GPC3: variants seen among roughly 807,000 people sequenced by gnomAD.
GPC3 encodes the protein glypican-3.
In GPC3, 3 loss-of-function variants were observed where a neutral mutation model predicts 34.4. The ratio of observed to expected loss-of-function variants is 0.09; its 90% CI spans 0.04 to 0.23. The LOEUF (loss-of-function observed/expected upper bound fraction) is 0.23, where lower values mean the gene tolerates loss of function less well. Among genes scored for constraint, GPC3 ranks in the 10% least tolerant of loss-of-function variants. The pLI is 1.00. For synonymous variants in GPC3, 177 were observed against 174.0 expected, an observed-to-expected ratio of 1.02 and a Z score of -0.13; for missense variants, 351 against 445.6, an observed-to-expected ratio of 0.79 and a Z score of 1.91.
chrX:133,934,352 C>T (rs996500178), intron 2 of GPC3, among the ~76,000 whole-genome samples: 2 of 108,119 alleles, frequency 1.8e-5, no homozygotes, highest in Admixed American at 2.0e-4. Context: ...CGCACCACCA[C>T]GCCTGGCTAA....
intron 5 of GPC3, among the ~76,000 whole-genome samples, chrX:133,677,724 G>C (rs2070898777): frequency 1.8e-5 from 2 of 111,959 alleles, no homozygotes; most frequent in Non-Finnish European, 3.8e-5. Context: ...GCAAGGGGCT[G>C]AAATATCTCT....
chrX:133,820,443 G>A (rs2075713515), intron 2 of GPC3, among the ~76,000 whole-genome samples: 1 of 111,850 alleles, frequency 8.9e-6, no homozygotes, highest in African/African-American at 3.2e-5. Context: ...GAAATGGGAT[G>A]CTTTGTTTTC....
At chrX:133,954,988 A>C (rs781468047) in intron 1 of GPC3, among the ~76,000 whole-genome samples, 1 of 110,465 alleles carries the variant, frequency 9.1e-6, no homozygotes, top group Admixed American at 9.6e-5. Context: ...CCCTCAGGTG[A>C]TCCATCCACC....
chrX:133,717,614 C>T (rs981357016), intron 3 of GPC3, among the ~76,000 whole-genome samples: 1 of 110,770 alleles, frequency 9.0e-6, no homozygotes, highest in Non-Finnish European at 1.9e-5. Flanking sequence ...CTCACGAGGA[C>T]CCCCTTAGAG....
At chrX:133,902,777 T>C (rs1364928578) in intron 2 of GPC3, among the ~76,000 whole-genome samples, 1 of 111,641 alleles carries the variant, frequency 9.0e-6, no homozygotes, top group African/African-American at 3.3e-5. Flanking sequence ...AAAGAAACTA[T>C]CCATGATTCT....
In GPC3 at chrX:133,596,491, C is replaced by T; in HGVS notation, c.1522G>A (p.Gly508Ser). The T allele has an allele frequency of 8.3e-7, 1 of 1,207,286 alleles. No individual in the cohort carries two copies. The highest frequency in any genetic ancestry group is 1.1e-6 in the Non-Finnish European group (1 of 891,438). Residue 508 changes from glycine (G) to serine (S), a missense_variant, in exon 7 of 8, where the codon GGC (glycine) becomes AGC (serine). Transcript: ENST00000370818. ...ACTTTTATCATTCCATCACCAGAGC[C>T]TCCAATGCACTCATCTTCATCATCA... ...CGDDEDECIG[G>S]SGDGMIKVKN... is the part of the protein sequence containing the mutation.
chrX:133,855,015 T>C (rs2075893258), intron 2 of GPC3, among the ~76,000 whole-genome samples: 2 of 112,445 alleles, frequency 1.8e-5, no homozygotes, highest in Admixed American at 1.9e-4. Context: ...ACATTTTTCT[T>C]TGTGAATGCA....
chrX:133,547,435 C>G (rs1181112052), intron 7 of GPC3, among the ~76,000 whole-genome samples: 2 of 111,018 alleles, frequency 1.8e-5, no homozygotes, highest in Non-Finnish European at 3.8e-5. Flanking sequence ...TGGTATCTTA[C>G]CTTGTAGAGG....
intron 2 of GPC3, among the ~76,000 whole-genome samples, chrX:133,924,723 G>T (rs2076267858): frequency 8.9e-6 from 1 of 111,855 alleles, no homozygotes; most frequent in African/African-American, 3.3e-5. Flanking sequence ...AAAGTGAATA[G>T]GAAAAAGAAA....
chrX:133,841,768 TG>T (rs2075825529), intron 2 of GPC3, among the ~76,000 whole-genome samples: 1 of 111,666 alleles, frequency 9.0e-6, no homozygotes, highest in African/African-American at 3.3e-5. Flanking sequence ...ATCAGTGGGC[TG>T]GGGAAGGCAG....
intron 2 of GPC3, among the ~76,000 whole-genome samples, chrX:133,867,840 AAG>A (rs1250860953): frequency 1.9e-5 from 2 of 107,148 alleles, no homozygotes; most frequent in South Asian, 4.4e-4. Flanking sequence ...TGCGCAGAGA[AAG>A]AGAGAAGGGA....
At chrX:133,917,201 A>G (rs1273322156) in intron 2 of GPC3, among the ~76,000 whole-genome samples, 1 of 111,860 alleles carries the variant, frequency 8.9e-6, no homozygotes, top group Non-Finnish European at 1.9e-5. Flanking sequence ...CAATTAGTCA[A>G]TTCCTGCTCT....
intron 2 of GPC3, chrX:133,763,076 T>C (rs1310775197): frequency 3.1e-6 from 2 of 639,080 alleles, no homozygotes; most frequent in African/African-American, 4.3e-5. Context: ...GCTGCTGCCA[T>C]GGGAGCCACT....
rs905540145 is a variant in GPC3, at chrX:133,568,493, A to G, written c.1573+27947T>C. Reference sequence around the variant, plus strand: ...CAGGTATCATTGTCTCCATTGTACAAATTTAAGGTCTCAGATTCGGAGAAG... The same window carrying G: ...CAGGTATCATTGTCTCCATTGTACAGATTTAAGGTCTCAGATTCGGAGAAG... On this transcript the variant is annotated intron_variant, in intron 7 of 7. Coordinates refer to ENST00000370818, the MANE Select transcript of GPC3 (RefSeq NM_004484.4). Among the ~76,000 whole-genome samples the G allele has an allele frequency of 8.0e-5, 9 of 112,071 alleles. No individual in the cohort carries two copies. In the South Asian group the frequency reaches 2.6e-3, roughly 33 times the overall value.
chrX:133,574,479 A>G (rs1466181096), intron 7 of GPC3, among the ~76,000 whole-genome samples: 1 of 112,287 alleles, frequency 8.9e-6, no homozygotes, highest in African/African-American at 3.2e-5. Flanking sequence ...GCCACATGAT[A>G]TTGACCAAAG....
At chrX:133,875,920 G>GA (rs1423927506) in intron 2 of GPC3, among the ~76,000 whole-genome samples, 1 of 111,249 alleles carries the variant, frequency 9.0e-6, no homozygotes, top group Non-Finnish European at 1.9e-5. Context: ...TAAGCAATAA[G>GA]AACTTACACT....
chrX:133,560,054 C>T (rs896213858), intron 7 of GPC3, among the ~76,000 whole-genome samples: 2 of 111,804 alleles, frequency 1.8e-5, no homozygotes, highest in African/African-American at 6.5e-5. Context: ...TAACCCAGGG[C>T]CGGATGTTCG....
intron 5 of GPC3, among the ~76,000 whole-genome samples, chrX:133,666,602 C>G: frequency 8.9e-6 from 1 of 112,401 alleles, no homozygotes; most frequent in Non-Finnish European, 1.9e-5. Flanking sequence ...GCTCTCAATA[C>G]TTTTTTCTGT....
At chrX:133,861,771 C>T (rs142206338) in intron 2 of GPC3, among the ~76,000 whole-genome samples, 4,178 of 111,033 alleles carry the variant, frequency 0.038, 76 homozygotes, top group Non-Finnish European at 0.058. Flanking sequence ...TCTCTTGCTC[C>T]TGCTCTGGCC....
Sources: gnomAD v4.1 joint callset for allele counts (sites outside exome capture counted in the v4.1 genomes callset) on GRCh38, gnomAD v4.1.1 for gene constraint, MANE v1.5 for transcripts, NCBI Gene and HGNC (gene_info 2026-07-23, HGNC 2026-07-21) for gene names.